The following PLCB4 variants were observed in gnomAD, a reference collection of about 807,000 sequenced individuals.
PLCB4 encodes the protein 1-phosphatidylinositol 4,5-bisphosphate phosphodiesterase beta-4.
In PLCB4, 77 loss-of-function variants were observed where a neutral mutation model predicts 178.8. The ratio of observed to expected loss-of-function variants is 0.43; its 90% CI spans 0.36 to 0.52. The LOEUF is 0.52. PLCB4 is among the 20% of genes least tolerant of loss of function. PLCB4 has a pLI of 0.00. For missense variants in PLCB4, 1,024 were observed against 1,453.4 expected, an observed-to-expected ratio of 0.70 and a Z score of 4.80; for synonymous variants, 496 against 490.8, an observed-to-expected ratio of 1.01 and a Z score of -0.14.
At chr20:9,371,144 TG>T in intron 9 of PLCB4, 69 bp from the exon 10 acceptor site, 1 of 972,176 alleles carries the variant, frequency 1.0e-6, no homozygotes, top group Non-Finnish European at 1.7e-6. Flanking sequence ...TAGTAGGACC[TG>T]GATCTTTGCA....
intron 2 of PLCB4, among the ~76,000 whole-genome samples, chr20:9,186,976 T>C (rs1009684684): frequency 2.6e-4 from 40 of 151,942 alleles, no homozygotes; most frequent in African/African-American, 9.4e-4. Flanking sequence ...ATTTTTTACT[T>C]ATTATTATTA....
chr20:9,248,607 A>G (rs2094148399), intron 3 of PLCB4, among the ~76,000 whole-genome samples: 1 of 152,200 alleles, frequency 6.6e-6, no homozygotes, highest in African/African-American at 2.4e-5. Context: ...AAGAGTTTGC[A>G]TTATTTATTT....
chr20:9,124,264 G>A (rs2092052309), intron 2 of PLCB4, among the ~76,000 whole-genome samples: 2 of 152,030 alleles, frequency 1.3e-5, no homozygotes, highest in Non-Finnish European at 2.9e-5. Flanking sequence ...CCAGAACTTC[G>A]GGAGACTGAA....
At chr20:9,135,362 T>C (rs2092361309) in intron 2 of PLCB4, among the ~76,000 whole-genome samples, 1 of 152,108 alleles carries the variant, frequency 6.6e-6, no homozygotes, top group Non-Finnish European at 1.5e-5. Flanking sequence ...AGAGTAATTA[T>C]TGAATTCATC....
At chr20:9,446,779 G>T (rs1345223280) in intron 32 of PLCB4, among the ~76,000 whole-genome samples, 2 of 152,186 alleles carry the variant, frequency 1.3e-5, no homozygotes, top group East Asian at 3.9e-4. Context: ...TACTTGGGAG[G>T]CTGAGGCAGG....
intron 19 of PLCB4, among the ~76,000 whole-genome samples, chr20:9,401,097 T>C (rs2038990668): frequency 6.6e-6 from 1 of 152,230 alleles, no homozygotes; most frequent in African/African-American, 2.4e-5. Flanking sequence ...TTTTCTTGCA[T>C]CTTCTTATTT....
chr20:9,330,443 G>C (rs985857397), intron 4 of PLCB4, among the ~76,000 whole-genome samples: 1 of 152,060 alleles, frequency 6.6e-6, no homozygotes, highest in Non-Finnish European at 1.5e-5. Flanking sequence ...GGCAGTGTTC[G>C]TTTATTGACC....
rs117749438 is a variant in PLCB4, at chr20:9,297,784, G to A, written c.-15-10016G>A. On this transcript the variant is annotated intron_variant, in intron 3 of 39. Coordinates refer to ENST00000378473, the MANE Select transcript of PLCB4 (RefSeq NM_001377142.1). ...ACTTTTAATACGATTTCAGCTCCTT[G>A]ATGTGTTCTAGAGGATTTTGGAGGG... is the stretch of plus-strand genomic sequence containing the variant. Among the ~76,000 whole-genome samples, 105 of 152,176 alleles carry A rather than the reference G, an allele frequency of 6.9e-4. 1 individual carries two copies. In the East Asian group the frequency reaches 0.019, roughly 27 times the overall value.
intron 1 of PLCB4, among the ~76,000 whole-genome samples, chr20:9,087,713 G>A (rs2090497476): frequency 6.6e-6 from 1 of 152,216 alleles, no homozygotes; most frequent in Admixed American, 6.5e-5. Flanking sequence ...CAAGGCTATT[G>A]CACGTAGCAG....
chr20:9,222,555 CA>C (rs1376023974), intron 3 of PLCB4, among the ~76,000 whole-genome samples: 2 of 152,194 alleles, frequency 1.3e-5, no homozygotes, highest in African/African-American at 2.4e-5. Flanking sequence ...GAGGTTACAG[CA>C]GCCTAAACTG....
intron 32 of PLCB4, among the ~76,000 whole-genome samples, chr20:9,447,401 T>G (rs187746087): frequency 2.0e-5 from 3 of 152,194 alleles, no homozygotes; most frequent in Admixed American, 1.3e-4. Flanking sequence ...CCACTTCCTC[T>G]CTGCTTTATG....
chr20:9,393,873 T>C (rs6118591), intron 18 of PLCB4, among the ~76,000 whole-genome samples, 195 bp downstream of exon 18: 47,388 of 151,958 alleles, frequency 0.31, 7,489 homozygotes, highest in East Asian at 0.4. Flanking sequence ...ATTCATGCAG[T>C]AGGAAAAGCA....
chr20:9,206,065 ACAG>A (rs2093610168), intron 2 of PLCB4, among the ~76,000 whole-genome samples: 1 of 152,160 alleles, frequency 6.6e-6, no homozygotes, highest in Non-Finnish European at 1.5e-5. Flanking sequence ...TTTCTATTGG[ACAG>A]CATTGGTTTA....
At chr20:9,359,474 A>G (rs2035130277) in intron 7 of PLCB4, among the ~76,000 whole-genome samples, 3 of 152,138 alleles carry the variant, frequency 2.0e-5, no homozygotes, top group African/African-American at 7.2e-5. Flanking sequence ...TAACTTAGGA[A>G]TGGTTAGAAA....
At chr20:9,127,697 T>C (rs567201393) in intron 2 of PLCB4, among the ~76,000 whole-genome samples, 6 of 151,750 alleles carry the variant, frequency 4.0e-5, no homozygotes, top group Non-Finnish European at 7.4e-5. Flanking sequence ...CATCCATCCA[T>C]CTATCTAAAC....
At chr20:9,202,341 C>T (rs2093557225) in intron 2 of PLCB4, among the ~76,000 whole-genome samples, 1 of 152,056 alleles carries the variant, frequency 6.6e-6, no homozygotes, top group African/African-American at 2.4e-5. Context: ...CACAGCATTG[C>T]ACATGAGAGA....
At chr20:9,280,404 A>G (rs939418264) in intron 3 of PLCB4, 1 of 966,738 alleles carries the variant, frequency 1.0e-6, no homozygotes, top group East Asian at 1.1e-4. Flanking sequence ...CTATCAAAGG[A>G]CAAAGATATT....
chr20:9,436,077 A>T (rs1322083138), intron 29 of PLCB4, among the ~76,000 whole-genome samples: 1 of 152,238 alleles, frequency 6.6e-6, no homozygotes, highest in Non-Finnish European at 1.5e-5. Context: ...TCTTTCATGA[A>T]CAAAATTACT....
At chr20:9,428,545 T>G (rs1373009855) in intron 28 of PLCB4, among the ~76,000 whole-genome samples, 2 of 152,188 alleles carry the variant, frequency 1.3e-5, no homozygotes, top group Admixed American at 1.3e-4. Context: ...TACTGTATTT[T>G]CTACCATTCT....
Sources: gnomAD v4.1 joint callset for allele counts (sites outside exome capture counted in the v4.1 genomes callset) on GRCh38, gnomAD v4.1.1 for gene constraint, MANE v1.5 for transcripts, NCBI Gene and HGNC (gene_info 2026-07-23, HGNC 2026-07-21) for gene names.